The following EPB41L3 variants were observed in gnomAD, a reference collection of about 807,000 sequenced individuals.
EPB41L3 encodes band 4.1-like protein 3.
EPB41L3 carries 57 observed loss-of-function variants against 127.1 expected under a neutral mutation model. That is an observed-to-expected ratio of 0.45 (90% CI 0.36 to 0.56). The LOEUF is 0.56. Ranked by LOEUF, EPB41L3 falls within the 20% of genes least tolerant of loss-of-function variation. The probability of loss-of-function intolerance (pLI) is 0.00; values close to 1 mark genes in which losing one functional copy is unlikely to be tolerated. For synonymous variants in EPB41L3, 572 were observed against 549.5 expected (o/e 1.04, Z -0.57); for missense variants, 1,273 against 1,372.2 (o/e 0.93, Z 1.14).
intron 1 of EPB41L3, among the ~76,000 whole-genome samples, chr18:5,510,714 G>C (rs1395723030): frequency 1.3e-5 from 2 of 152,188 alleles, no homozygotes; most frequent in South Asian, 2.1e-4. Context: ...CCTCAGCAGA[G>C]AGCAGCAGTT....
chr18:5,476,778 A>C lies in EPB41L3; in HGVS notation c.381+1463T>G, dbSNP rs374727497. Among the ~76,000 whole-genome samples, 23 of 152,334 alleles carry C rather than the reference A, an allele frequency of 1.5e-4. No homozygotes were observed. The East Asian group carries it at 3.9e-3, about 26-fold the overall frequency. On this transcript the variant is annotated intron_variant, in intron 3 of 22. Coordinates refer to ENST00000341928, the MANE Select transcript of EPB41L3 (RefSeq NM_012307.5). ...AGTTTCATAGTAAAACCCAGCTAGA[A>C]GTATATTACTGGAGCTGCCTATTTC... is the stretch of plus-strand genomic sequence containing the variant.
rs369703674 is a variant in EPB41L3 at position 5,404,733 on chromosome 18, G to A, written c.2349+2044C>T. Among the ~76,000 whole-genome samples, 14 of 152,106 alleles carry A rather than the reference G, an allele frequency of 9.2e-5. 1 individual carries two copies. The highest frequency in any genetic ancestry group is 5.8e-4 in the East Asian group (3 of 5,194). The stretch of plus-strand genomic sequence containing the variant: ...TCCCTAAACTTTCATTCAAAGTGGC[G>A]ATCACTTAGCATTTAGTTTTGCTCT... On this transcript the variant is annotated intron_variant, in intron 16 of 22. Coordinates refer to ENST00000341928, the MANE Select transcript of EPB41L3 (RefSeq NM_012307.5).
chr18:5,481,332 C>T (rs1469787118), intron 2 of EPB41L3, among the ~76,000 whole-genome samples: 6 of 152,174 alleles, frequency 3.9e-5, no homozygotes, highest in African/African-American at 1.4e-4. Context: ...GAGACAGATC[C>T]TGAGGCCACA....
At chr18:5,551,905 G>A (rs1226294387) in intron 3 of EPB41L3, among the ~76,000 whole-genome samples, 1 of 152,150 alleles carries the variant, frequency 6.6e-6, no homozygotes, top group Non-Finnish European at 1.5e-5. Flanking sequence ...AAGAACCTCT[G>A]GAGAGTGGGA....
At chr18:5,417,995 C>A (rs2077033054) in intron 12 of EPB41L3, among the ~76,000 whole-genome samples, 1 of 152,198 alleles carries the variant, frequency 6.6e-6, no homozygotes, top group African/African-American at 2.4e-5. Context: ...GAACTATTTT[C>A]AGTAATACAC....
chr18:5,450,698 T>C (rs1486012019), intron 3 of EPB41L3, among the ~76,000 whole-genome samples: 1 of 152,216 alleles, frequency 6.6e-6, no homozygotes, highest in Non-Finnish European at 1.5e-5. Flanking sequence ...AATACAAACT[T>C]AAAATTTTCA....
At chr18:5,510,083 G>T (rs1350369160) in intron 1 of EPB41L3, among the ~76,000 whole-genome samples, 1 of 152,190 alleles carries the variant, frequency 6.6e-6, no homozygotes, top group East Asian at 1.9e-4. Flanking sequence ...CTTTTCATTT[G>T]AAGAAAGATG....
In EPB41L3 at chr18:5,416,079, A is replaced by G. The variant is rs1176198030; in HGVS notation, c.1806T>C (p.Asp602=). 2.5e-6 allele frequency: 4 copies of G among 1,612,980 alleles called. No individual in the cohort carries two copies. Among genetic ancestry groups the G allele is most frequent in the African/African-American group, 1.3e-5 (1 of 74,892 alleles). ...GGTTGGGGAAAGAGAGGTATCCATC[A>G]TCATCTAGGAGGGAGGGGAATGACT... is the stretch of plus-strand genomic sequence containing the variant. ...LPESFPSLLD[D]DGYLSFPNLS... The change falls in exon 13 of 23, where the codon GAT becomes GAC. Residue 602 remains aspartate, a synonymous_variant. Transcript: ENST00000341928.
chr18:5,585,321 T>G (rs1210060278), intron 3 of EPB41L3, among the ~76,000 whole-genome samples: 7 of 152,100 alleles, frequency 4.6e-5, no homozygotes, highest in South Asian at 2.1e-4. Flanking sequence ...TTTTTTTGGT[T>G]GTTGTTTTTT....
intron 1 of EPB41L3, among the ~76,000 whole-genome samples, chr18:5,501,631 C>T (rs1263833139): frequency 3.3e-5 from 5 of 152,132 alleles, no homozygotes; most frequent in Non-Finnish European, 5.9e-5. Context: ...ACTAAGTGTT[C>T]ACAATAGAAT....
In EPB41L3 at chr18:5,627,068, C is replaced by T. The variant is rs143771511; in HGVS notation, c.-468+1854G>A. On this transcript the variant is annotated intron_variant, in intron 1 of 21. Coordinates refer to the EPB41L3 transcript ENST00000545076. ...GCTATGCAGGCTGACCTTCCGCGGA[C>T]TTCTCATTAGTCTGTTTACGCAGTG... 2.6e-4 allele frequency among the ~76,000 whole-genome samples: 39 copies of T among 152,256 alleles called. 1 individual carries two copies. Among genetic ancestry groups the T allele is most frequent in the African/African-American group, 7.9e-4 (33 of 41,532 alleles).
At chr18:5,456,501 A>G (rs756131530) in intron 3 of EPB41L3, among the ~76,000 whole-genome samples, 7 of 152,218 alleles carry the variant, frequency 4.6e-5, no homozygotes, top group Non-Finnish European at 1.0e-4. Flanking sequence ...ACATGCTCAC[A>G]CTGTAAATGA....
In EPB41L3 at chr18:5,488,253, G is replaced by A. The variant is rs148091211; in HGVS notation, c.183+748C>T. ...ATACTATGCAGCTATAAAAAAGGAT[G>A]AGTTCATGTCCTTTTCAGGACATGG... On this transcript the variant is annotated intron_variant, in intron 2 of 22. Coordinates refer to ENST00000341928, the MANE Select transcript of EPB41L3 (RefSeq NM_012307.5). Among the ~76,000 whole-genome samples, 1,401 of 152,216 alleles carry A rather than the reference G, an allele frequency of 9.2e-3. 19 individuals are homozygous for A. Among genetic ancestry groups the A allele is most frequent in the African/African-American group, 0.03 (1,263 of 41,510 alleles).
chr18:5,561,158 C>T (rs1008994834), intron 3 of EPB41L3, among the ~76,000 whole-genome samples: 112 of 151,210 alleles, frequency 7.4e-4, no homozygotes, highest in Admixed American at 2.2e-3. Flanking sequence ...CTTGTATTTT[C>T]AGTAGAGACG....
At chr18:5,580,281 A>G (rs965925154) in intron 3 of EPB41L3, among the ~76,000 whole-genome samples, 10 of 152,208 alleles carry the variant, frequency 6.6e-5, no homozygotes, top group African/African-American at 2.4e-4. Flanking sequence ...ACACAGATAC[A>G]CACTCAAGCA....
At position 5,563,366 on chromosome 18, in the gene EPB41L3, G is replaced by A. The variant is rs532108911; in HGVS notation, c.-306+48974C>T. Among the ~76,000 whole-genome samples the A allele has an allele frequency of 1.3e-4, 20 of 152,258 alleles. No individual in the cohort carries two copies. In the East Asian group the frequency reaches 3.9e-3, roughly 29 times the overall value. On this transcript the variant is annotated intron_variant, in intron 3 of 21. Transcript: ENST00000545076. ...TTGACAGCATTCTGGAGAAAAGACT[G>A]GAGAAATGTAAGACTGGTTAGTGGC... is the stretch of plus-strand genomic sequence containing the variant.
chr18:5,623,128 A>G (rs961874106), intron 1 of EPB41L3, among the ~76,000 whole-genome samples: 1 of 152,152 alleles, frequency 6.6e-6, no homozygotes, highest in African/African-American at 2.4e-5. Flanking sequence ...TGAGGCCAAG[A>G]GAGGCTTAGT....
At chr18:5,469,868 G>C (rs2147509051) in intron 3 of EPB41L3, among the ~76,000 whole-genome samples, 1 of 151,696 alleles carries the variant, frequency 6.6e-6, no homozygotes, top group South Asian at 2.1e-4. Flanking sequence ...CTGCCTCCCG[G>C]GTCCCGGTTC....
intron 1 of EPB41L3, among the ~76,000 whole-genome samples, chr18:5,522,618 T>G (rs780681347): frequency 1.9e-4 from 29 of 152,208 alleles, no homozygotes; most frequent in East Asian, 1.9e-4. Context: ...TTAGTCTTCA[T>G]GCCATAAAAT....
Sources: allele counts gnomAD v4.1 joint callset (sites outside exome capture counted in the v4.1 genomes callset), GRCh38; gene constraint gnomAD v4.1.1; transcripts MANE v1.5; gene names NCBI Gene and HGNC (gene_info 2026-07-23, HGNC 2026-07-21).